WDR83: variants seen among roughly 807,000 people sequenced by gnomAD.
WDR83 encodes WD repeat domain 83.
In WDR83, 37 loss-of-function variants were observed where a neutral mutation model predicts 37.7. That is an observed-to-expected ratio of 0.98 (90% CI 0.76 to 1.29). The LOEUF is 1.29. Among genes scored for constraint, WDR83 ranks in the 50% most tolerant of loss-of-function variants. The probability of loss-of-function intolerance (pLI) is 0.00; values close to 1 mark genes in which losing one functional copy is unlikely to be tolerated. For synonymous variants in WDR83, 174 were observed against 181.1 expected, an observed-to-expected ratio of 0.96 and a Z score of 0.31; for missense variants, 445 against 414.4, an observed-to-expected ratio of 1.07 and a Z score of -0.64.
rs144664563 is a variant in WDR83, at chr19:12,673,268, G to C, written c.750G>C (p.Val250=). Residue 250 remains valine (V), a synonymous_variant, in exon 10 of 11, where the codon GTG becomes GTC. Transcript: ENST00000418543. ...DCCLSERDTH[V]VSCSEDGKVF... ...GCCTGAGCGAGCGTGACACACATGT[G>C]GTCAGCTGTTCTGAGGACGGGAAGG... The C allele has an allele frequency of 1.3e-4, 210 of 1,614,052 alleles. No individual in the cohort carries two copies. In the African/African-American group the frequency reaches 2.6e-3, roughly 20 times the overall value.
At position 12,675,549 on chromosome 19, in the gene WDR83, GGGTTCCGGTGT is replaced by G. The variant is rs1469453515; in HGVS notation, c.829_839del (p.Ser277AlafsTer29). 1.9e-6 allele frequency: 3 copies of G among 1,606,130 alleles called. No homozygotes were observed. Among genetic ancestry groups the G allele is most frequent in the Admixed American group, 3.3e-5 (2 of 60,004 alleles). Reference sequence around the variant, plus strand: ...GTGCGCTGGCTCTGGCCCTGCCTGTGGGTTCCGGTGTGGTGCAGTCGCTGGCCTACCACCCA... The same window carrying G: ...GTGCGCTGGCTCTGGCCCTGCCTGTGGGTGCAGTCGCTGGCCTACCACCCA... On this transcript the variant is annotated frameshift_variant, in exon 11 of 11. Transcript: ENST00000418543. LOFTEE classifies it high-confidence loss of function.
chr19:12,673,520 C>T (rs936877638), intron 10 of WDR83, among the ~76,000 whole-genome samples: 9 of 149,028 alleles, frequency 6.0e-5, no homozygotes, highest in Admixed American at 5.5e-4. Flanking sequence ...CAAGTTCAAG[C>T]GATTCTCCTG....
intron 2 of WDR83, chr19:12,669,369 G>T: frequency 5.0e-6 from 8 of 1,602,082 alleles, no homozygotes; most frequent in Non-Finnish European, 8.5e-7. Flanking sequence ...CACTTTGTTC[G>T]GCCTCCGTGG....
intron 2 of WDR83, chr19:12,669,554 A>C: frequency 9.7e-7 from 1 of 1,028,902 alleles, no homozygotes; most frequent in Admixed American, 2.5e-5. Context: ...CAGAGAACGG[A>C]GATTTAGGAG....
chr19:12,675,271 A>T (rs2024539950), intron 10 of WDR83, among the ~76,000 whole-genome samples: 1 of 152,182 alleles, frequency 6.6e-6, no homozygotes, highest in African/African-American at 2.4e-5. Flanking sequence ...TGCTATTTTA[A>T]AAAATAAAAA....
At position 12,669,736 on chromosome 19, in the gene WDR83, C is replaced by A; in HGVS notation, c.-36-19C>A. The A allele has an allele frequency of 6.6e-7, 1 of 1,515,270 alleles. No individual in the cohort carries two copies. Among genetic ancestry groups the A allele is most frequent in the African/African-American group, 1.4e-5 (1 of 71,780 alleles). The allele number at this position is 1,515,270 out of a possible 1,614,324, so 93.9% of individuals were successfully genotyped here. On this transcript the variant is annotated intron_variant, in intron 2 of 10. Coordinates refer to ENST00000418543, the MANE Select transcript of WDR83 (RefSeq NM_001099737.3). ...TACACCCAAGCGTGGGTTTCTAAGG[C>A]GCGGAATTTTCCGTACAGACCGATT... is the stretch of plus-strand genomic sequence containing the variant.
At chr19:12,669,302 C>G in intron 2 of WDR83, 10 of 1,606,696 alleles carry the variant, frequency 6.2e-6, no homozygotes, top group Non-Finnish European at 8.5e-6. Flanking sequence ...TTCCCAGGGC[C>G]CCGATCCACA....
intron 4 of WDR83, 33 bp from the exon 5 acceptor site, chr19:12,670,147 G>A (rs376980276): frequency 7.3e-5 from 118 of 1,608,200 alleles, no homozygotes; most frequent in Non-Finnish European, 9.6e-5. Context: ...GGGATCCGAG[G>A]TCGATGCTGA....
Position 12,670,684 on chromosome 19 carries a change from T to C in WDR83, c.380-11T>C. The stretch of plus-strand genomic sequence containing the variant: ...TCCAAACCTGACCTCACCATCATGC[T>C]GGCCTCACAGGCTCTATTGATTCCA... On this transcript the variant is annotated splice_polypyrimidine_tract_variant and intron_variant, in intron 6 of 10. Coordinates refer to ENST00000418543, the MANE Select transcript of WDR83 (RefSeq NM_001099737.3). 3 of 1,614,224 alleles carry C rather than the reference T, an allele frequency of 1.9e-6. No homozygotes were observed. The highest frequency in any genetic ancestry group is 2.5e-6 in the Non-Finnish European group (3 of 1,180,030).
intron 7 of WDR83, chr19:12,671,321 C>T (rs2024409133): frequency 6.6e-6 from 1 of 151,064 alleles, no homozygotes; most frequent in African/African-American, 2.5e-5. Context: ...AAGTGAGACT[C>T]CATCTCAAAA....
chr19:12,669,050 A>ACC, intron 2 of WDR83: 1 of 1,452,570 alleles, frequency 6.9e-7, no homozygotes, highest in Non-Finnish European at 9.6e-7. Context: ...ATGACAAGAC[A>ACC]CCCCGCTTCA....
chr19:12,672,759 G>C, intron 7 of WDR83, 88 bp from the exon 8 acceptor site: 1 of 1,354,900 alleles, frequency 7.4e-7, no homozygotes, highest in Non-Finnish European at 1.0e-6. Flanking sequence ...CACTGGAAGA[G>C]CAGGCCCACT....
In WDR83 at chr19:12,670,833, C is replaced by A; in HGVS notation, c.506+12C>A. On this transcript the variant is annotated intron_variant, in intron 7 of 10. Transcript: ENST00000418543. The stretch of plus-strand genomic sequence containing the variant: ...GAGATCCTGGCAGGGTGAGTGGAGC[C>A]AGGACCTGGTCTCACCCCAGGTGCT... 6.2e-7 allele frequency: 1 copy of A among 1,610,058 alleles called. No homozygotes were observed. Among genetic ancestry groups the A allele is most frequent in the South Asian group, 1.1e-5 (1 of 90,558 alleles).
At chr19:12,668,753 C>T in intron 2 of WDR83, 126 bp downstream of exon 2, 1 of 729,252 alleles carries the variant, frequency 1.4e-6, no homozygotes, top group Non-Finnish European at 2.4e-6. Flanking sequence ...CGGAATTCCT[C>T]AGTCCCACCT....
chr19:12,667,736 T>C (rs1048542921), intron 1 of WDR83, among the ~76,000 whole-genome samples: 17 of 152,098 alleles, frequency 1.1e-4, no homozygotes, highest in African/African-American at 4.1e-4. Flanking sequence ...GGTGGGAGGA[T>C]TGCTTGAGCC....
chr19:12,673,107 T>C lies in WDR83; in HGVS notation c.674T>C (p.Leu225Pro). 1 of 1,612,884 alleles carries C rather than the reference T, an allele frequency of 6.2e-7. No individual in the cohort carries two copies. The highest frequency in any genetic ancestry group is 8.5e-7 in the Non-Finnish European group (1 of 1,179,104). Residue 225 changes from leucine to proline, a missense_variant, in exon 9 of 11, where the codon CTG (leucine) becomes CCG (proline). Leu to Pro is a moderately conservative substitution (Grantham distance 98). Coordinates refer to ENST00000418543, the MANE Select transcript of WDR83 (RefSeq NM_001099737.3). ...CTCCTGGACAAAGACACAGGGGAGC[T>C]GCTGGGCGAGTGAGTCCTTGTGGTC... ...LRLLDKDTGE[L>P]LGEYKGHKNQ... is the part of the protein sequence containing the mutation.
intron 2 of WDR83, 38 bp from the exon 3 acceptor site, chr19:12,669,717 C>A (rs562508079): frequency 7.0e-6 from 10 of 1,428,730 alleles, no homozygotes; most frequent in African/African-American, 1.4e-5. Context: ...AGGTTACACC[C>A]AAGCGTGGGT....
rs531068089 is a variant in WDR83 at position 12,673,479 on chromosome 19, G to A, written c.798+163G>A. On this transcript the variant is annotated intron_variant, in intron 10 of 10. Transcript: ENST00000418543. The stretch of plus-strand genomic sequence containing the variant: ...GTCGCCCAGGCTAGAGTGCAGTGGC[G>A]CAATCTTGGCTCACTGTAAACTCCG... Among the ~76,000 whole-genome samples the A allele has an allele frequency of 6.9e-5, 10 of 144,956 alleles. No individual in the cohort carries two copies. The East Asian group carries it at 1.7e-3, about 24-fold the overall frequency.
rs776412564 is a variant in WDR83 at position 12,675,642 on chromosome 19, G to A, written c.918G>A (p.Glu306=). Residue 306 remains glutamate, a synonymous_variant, in exon 11 of 11, where the codon GAG becomes GAA. Coordinates refer to ENST00000418543, the MANE Select transcript of WDR83 (RefSeq NM_001099737.3). The part of the protein sequence containing the change: ...MGGSVQCWRE[E]AYEAEDGAG Reference sequence around the variant, plus strand: ...GCAGCGTCCAGTGCTGGCGAGAGGAGGCCTATGAGGCAGAGGATGGAGCAG... The same window carrying A: ...GCAGCGTCCAGTGCTGGCGAGAGGAAGCCTATGAGGCAGAGGATGGAGCAG... 7.5e-6 allele frequency: 12 copies of A among 1,601,820 alleles called. No homozygotes were observed. Among genetic ancestry groups the A allele is most frequent in the Non-Finnish European group, 9.3e-6 (11 of 1,179,740 alleles).
Sources: allele counts gnomAD v4.1 joint callset (sites outside exome capture counted in the v4.1 genomes callset), GRCh38; gene constraint gnomAD v4.1.1; transcripts MANE v1.5; gene names NCBI Gene and HGNC (gene_info 2026-07-23, HGNC 2026-07-21).